SNED1: variants seen among roughly 807,000 people sequenced by gnomAD.
SNED1 encodes sushi, nidogen and EGF like domains 1.
A neutral mutation model predicts 166.7 loss-of-function variants in SNED1; 81 were observed. That is an observed-to-expected ratio of 0.49 (90% CI 0.41 to 0.58). The LOEUF is 0.58. Among genes scored for constraint, SNED1 ranks in the 20% least tolerant of loss-of-function variants. The pLI is 0.00. For missense variants in SNED1, 1,604 were observed against 2,000.2 expected, an observed-to-expected ratio of 0.80 and a Z score of 3.78; for synonymous variants, 762 against 822.0, an observed-to-expected ratio of 0.93 and a Z score of 1.25.
intron 15 of SNED1, 114 bp from the exon 16 acceptor site, chr2:241,053,039 C>A: frequency 2.1e-6 from 2 of 971,398 alleles, no homozygotes; most frequent in Admixed American, 2.6e-5. Flanking sequence ...CGGTGAAGGG[C>A]AGTGTGGGAG....
chr2:241,087,529 T>C (rs956459977), intron 30 of SNED1, 54 bp downstream of exon 30: 2 of 1,552,700 alleles, frequency 1.3e-6, no homozygotes, highest in Non-Finnish European at 1.7e-6. Flanking sequence ...CACAGGGTGA[T>C]GGGGCAAGGG....
Position 241,071,697 on chromosome 2 carries a change from CGA to C in SNED1, c.3714_3715del (p.Glu1238AspfsTer60). The C allele has an allele frequency of 6.6e-7, 1 of 1,521,354 alleles. No individual in the cohort carries two copies. The highest frequency in any genetic ancestry group is 8.8e-7 in the Non-Finnish European group (1 of 1,131,934). 94.2% of individuals were successfully genotyped at this position (1,521,354 alleles called of 1,614,324 possible). On this transcript the variant is annotated frameshift_variant, in exon 25 of 32. Transcript: ENST00000310397. LOFTEE classifies it high-confidence loss of function. ...GCCTGCTCAATGACCACAGCGCCCC[CGA>C]GACCCCCACCCAGCCCCCCAGGTAC... ...LRLLNDHSAP[E>X]TPTQPPRFSE...
At position 241,081,795 on chromosome 2, in the gene SNED1, T is replaced by A; in HGVS notation, c.4033+2T>A. 6.4e-7 allele frequency: 1 copy of A among 1,574,032 alleles called. No individual in the cohort carries two copies. Among genetic ancestry groups the A allele is most frequent in the Non-Finnish European group, 8.6e-7 (1 of 1,158,850 alleles). On this transcript the variant is annotated splice_donor_variant, in intron 28 of 31. Transcript: ENST00000310397. LOFTEE classifies it high-confidence loss of function. ...TCAAAGGCAGACGCTGCGAGCTCGGTAAGTCGGGGCTTGGCCTCAGGGCGC... is the reference window on the plus strand; with the variant it reads ...TCAAAGGCAGACGCTGCGAGCTCGGAAAGTCGGGGCTTGGCCTCAGGGCGC...
chr2:241,039,172 G>A lies in SNED1; in HGVS notation c.1046-903G>A, dbSNP rs116019442. Among the ~76,000 whole-genome samples, 1,356 of 152,282 alleles carry A rather than the reference G, an allele frequency of 8.9e-3. 22 individuals carry two copies. The highest frequency in any genetic ancestry group is 0.031 in the African/African-American group (1,306 of 41,570). ...GCCCCCAGAACCCATAACAGCAGGG[G>A]CGCCCGCAACTAAAGGCTAGGGTGT... On this transcript the variant is annotated intron_variant, in intron 6 of 31. Coordinates refer to ENST00000310397, the MANE Select transcript of SNED1 (RefSeq NM_001080437.3).
Position 241,090,336 on chromosome 2 carries a change from C to A in SNED1, c.*2-1302C>A. ...ACTTCCACATCGTGTCCCAGTAACA[C>A]ACATGGAGCTGCCACCTCCTGTGAC... On this transcript the variant is annotated intron_variant, in intron 31 of 31. Transcript: ENST00000310397. 6 of 1,550,292 alleles carry A rather than the reference C, an allele frequency of 3.9e-6. No homozygotes were observed. In the South Asian group the frequency reaches 7.1e-5, roughly 18 times the overall value.
intron 24 of SNED1, among the ~76,000 whole-genome samples, chr2:241,070,485 C>G (rs2062651961): frequency 6.6e-6 from 1 of 152,246 alleles, no homozygotes; most frequent in Admixed American, 6.5e-5. Flanking sequence ...CCGAGCATCA[C>G]CTGAAAACGG....
At position 241,034,711 on chromosome 2, in the gene SNED1, G is replaced by T; in HGVS notation, c.786G>T (p.Val262=). 3 of 1,574,964 alleles carry T rather than the reference G, an allele frequency of 1.9e-6. No individual in the cohort carries two copies. Among genetic ancestry groups the T allele is most frequent in the Non-Finnish European group, 2.6e-6 (3 of 1,160,910 alleles). The part of the protein sequence containing the change: ...AFRIDDAQVR[V]GGCGHTTSVC... ...GAATCGATGATGCCCAGGTGCGCGT[G>T]GGGGGCTGCGGCCATACAAGTAAGA... is the stretch of plus-strand genomic sequence containing the variant. Residue 262 remains valine, a synonymous_variant, in exon 4 of 32, where the codon GTG becomes GTT. Transcript: ENST00000310397.
intron 1 of SNED1, among the ~76,000 whole-genome samples, chr2:241,005,972 A>G (rs377323293): frequency 2.0e-5 from 3 of 152,096 alleles, no homozygotes; most frequent in African/African-American, 7.2e-5. Flanking sequence ...CCATCTTCAC[A>G]TATTTTTTCT....
chr2:241,089,356 T>C (rs1663437594), intron 31 of SNED1: 2 of 1,550,652 alleles, frequency 1.3e-6, no homozygotes, highest in Non-Finnish European at 1.7e-6. Context: ...GTCTATGTTT[T>C]GTTACGTGCC....
At chr2:241,004,001 G>A (rs2060146421) in intron 1 of SNED1, among the ~76,000 whole-genome samples, 1 of 152,268 alleles carries the variant, frequency 6.6e-6, no homozygotes, top group African/African-American at 2.4e-5. Context: ...GGGCTGGACA[G>A]GGCCAGGCTG....
At chr2:241,087,982 C>A in intron 30 of SNED1, 1 of 397,740 alleles carries the variant, frequency 2.5e-6, no homozygotes, top group Non-Finnish European at 4.4e-6. Flanking sequence ...AGTAGCCACA[C>A]GTACTTGTTT....
chr2:241,048,534 A>G, intron 9 of SNED1, 94 bp downstream of exon 9: 2 of 1,506,574 alleles, frequency 1.3e-6, no homozygotes, highest in South Asian at 2.5e-5. Flanking sequence ...CGCCCCGAAA[A>G]GAAACGTGTG....
At chr2:241,039,865 A>C (rs2061474650) in intron 6 of SNED1, among the ~76,000 whole-genome samples, 1 of 151,990 alleles carries the variant, frequency 6.6e-6, no homozygotes, top group Non-Finnish European at 1.5e-5. Flanking sequence ...GCTGAATTAG[A>C]CCCAGTTCAG....
intron 27 of SNED1, among the ~76,000 whole-genome samples, chr2:241,078,967 A>G (rs1307886764): frequency 6.6e-6 from 1 of 151,512 alleles, no homozygotes; most frequent in African/African-American, 2.4e-5. Flanking sequence ...TACAAAAATT[A>G]GCCAGGCATG....
intron 1 of SNED1, among the ~76,000 whole-genome samples, chr2:241,008,062 C>G (rs375552405): frequency 9.8e-5 from 15 of 152,402 alleles, no homozygotes; most frequent in African/African-American, 3.6e-4. Context: ...GGCCGTACCA[C>G]CTGACTCACT....
Position 241,051,807 on chromosome 2 carries a change from G to T in SNED1, c.1799G>T (p.Gly600Val). ...GGGGGCACGTGCAAGGAGGCGGGCG[G>T]CGAGTACCACTGCAGCTGCCCCTAC... is the stretch of plus-strand genomic sequence containing the variant. ...RNGGTCKEAG[G>V]EYHCSCPYRF... Residue 600 changes from glycine to valine, a missense_variant, in exon 13 of 32, where the codon GGC becomes GTC. Physicochemically the swap from Gly to Val is moderately radical, Grantham distance 109. Coordinates refer to ENST00000310397, the MANE Select transcript of SNED1 (RefSeq NM_001080437.3). This position sits in a 1 kb window ranked among gnomAD's most constrained non-coding sequence, Gnocchi z 4.7. 1.3e-6 allele frequency: 2 copies of T among 1,562,408 alleles called. No individual in the cohort carries two copies. Among genetic ancestry groups the T allele is most frequent in the Non-Finnish European group, 8.7e-7 (1 of 1,154,026 alleles).
At chr2:241,081,094 G>C (rs530319931) in intron 27 of SNED1, among the ~76,000 whole-genome samples, 1 of 152,358 alleles carries the variant, frequency 6.6e-6, no homozygotes, top group South Asian at 2.1e-4. Flanking sequence ...GTGGGACTTG[G>C]ACACATCACA....
chr2:241,003,815 A>G (rs114924599), intron 1 of SNED1, among the ~76,000 whole-genome samples: 33 of 152,368 alleles, frequency 2.2e-4, no homozygotes, highest in African/African-American at 7.9e-4. Flanking sequence ...TATCTGTGAC[A>G]CTTCTGTGTG....
intron 1 of SNED1, among the ~76,000 whole-genome samples, chr2:241,006,950 G>A (rs2060236862): frequency 6.6e-6 from 1 of 152,162 alleles, no homozygotes; most frequent in East Asian, 1.9e-4. Flanking sequence ...CCTCCAGAAG[G>A]GGCTCCCACT....
Sources: gnomAD v4.1 joint callset for allele counts (sites outside exome capture counted in the v4.1 genomes callset) on GRCh38, gnomAD v4.1.1 for gene constraint, Gnocchi (gnomAD v3.1) non-coding constraint, MANE v1.5 for transcripts, NCBI Gene and HGNC (gene_info 2026-07-23, HGNC 2026-07-21) for gene names.